The following MARCKSL1 variants were observed in gnomAD, a reference collection of about 807,000 sequenced individuals.
MARCKSL1 encodes MARCKS-related protein.
In MARCKSL1, 5 loss-of-function variants were observed where a neutral mutation model predicts 13.3. That is an observed-to-expected ratio of 0.38 (90% CI 0.20 to 0.79). MARCKSL1 has a LOEUF of 0.79. MARCKSL1 is among the 30% of genes least tolerant of loss of function. MARCKSL1 has a pLI of 0.45. For missense variants in MARCKSL1, 274 were observed against 251.6 expected, an observed-to-expected ratio of 1.09 and a Z score of -0.60; for synonymous variants, 126 against 103.2, an observed-to-expected ratio of 1.22 and a Z score of -1.34.
chr1:32,334,585 G>A lies in MARCKSL1; in HGVS notation c.*12C>T. The A allele has an allele frequency of 2.6e-6, 4 of 1,525,058 alleles. No homozygotes were observed. The highest frequency in any genetic ancestry group is 4.6e-5 in the East Asian group (2 of 43,756). The allele number at this position is 1,525,058 out of a possible 1,614,324, so 94.5% of individuals were successfully genotyped here. ...TTTGCAGCTTAGAGATCACCCACCT[G>A]CCCCTACCTAGCTACTCATTCTGCT... is the stretch of plus-strand genomic sequence containing the variant. On this transcript the variant is annotated 3_prime_UTR_variant, in exon 2 of 2. Coordinates refer to ENST00000329421, the MANE Select transcript of MARCKSL1 (RefSeq NM_023009.7).
rs1183686774 is a variant in MARCKSL1, at chr1:32,334,520, C to T, written c.*77G>A. The T allele has an allele frequency of 1.0e-5, 15 of 1,445,424 alleles. No individual in the cohort carries two copies. The Admixed American group carries it at 3.9e-4, about 38-fold the overall frequency. 89.5% of individuals were successfully genotyped at this position (1,445,424 alleles called of 1,614,324 possible). On this transcript the variant is annotated 3_prime_UTR_variant, in exon 2 of 2. Coordinates refer to ENST00000329421, the MANE Select transcript of MARCKSL1 (RefSeq NM_023009.7). ...TCTGGGCACAGGAAGGCAGCCAGGG[C>T]ACCAGGTCCAGGCAGTGACCTCACA...
Position 32,335,235 on chromosome 1 carries a change from G to T in MARCKSL1, c.88-138C>A. ...CTGGCTTCAGCCTCACCCACACCCA[G>T]GATCCCGTCAAACACCTCCCTCTCG... is the stretch of plus-strand genomic sequence containing the variant. On this transcript the variant is annotated intron_variant, in intron 1 of 1. Transcript: ENST00000329421. The surrounding 1 kb of genome is among the most constrained non-coding windows in gnomAD (Gnocchi z 4.1). 1 of 986,844 alleles carries T rather than the reference G, an allele frequency of 1.0e-6. No homozygotes were observed. Among genetic ancestry groups the T allele is most frequent in the Non-Finnish European group, 1.3e-6 (1 of 744,138 alleles). 61.1% of individuals were successfully genotyped at this position (986,844 alleles called of 1,614,324 possible). A position where few individuals can be genotyped will look rare whatever the true frequency, so the allele number is the denominator to read the frequency against.
In MARCKSL1 at chr1:32,335,920, G is replaced by A. The variant is rs772257437; in HGVS notation, c.87+27C>T. On this transcript the variant is annotated intron_variant, in intron 1 of 1. Transcript: ENST00000329421. The surrounding 1 kb of genome is among the most constrained non-coding windows in gnomAD (Gnocchi z 4.1). ...GGGGCGAGGTGCGAGAGGAGGGGCT[G>A]GGGCCGGCCGGGCCAAGCGTACCCA... 4.0e-6 allele frequency: 5 copies of A among 1,263,494 alleles called. No individual in the cohort carries two copies. The South Asian group carries it at 1.7e-4, about 42-fold the overall frequency. The allele number at this position is 1,263,494 out of a possible 1,614,324, so 78.3% of individuals were successfully genotyped here.
Position 32,334,586 on chromosome 1 carries a change from C to T in MARCKSL1, c.*11G>A, listed in dbSNP as rs1570047620. On this transcript the variant is annotated 3_prime_UTR_variant, in exon 2 of 2. Transcript: ENST00000329421. ...TTGCAGCTTAGAGATCACCCACCTG[C>T]CCCTACCTAGCTACTCATTCTGCTC... 4 of 1,526,434 alleles carry T rather than the reference C, an allele frequency of 2.6e-6. No homozygotes were observed. In the South Asian group the frequency reaches 3.9e-5, roughly 15 times the overall value. 94.6% of individuals were successfully genotyped at this position (1,526,434 alleles called of 1,614,324 possible).
In MARCKSL1 at chr1:32,335,819, C is replaced by G; in HGVS notation, c.87+128G>C. The stretch of plus-strand genomic sequence containing the variant: ...GCTGCGGCGCCGAGAACAAAGGGAC[C>G]GGGCGGGGGAGGGGGCGCCGCGTGT... On this transcript the variant is annotated intron_variant, in intron 1 of 1. Transcript: ENST00000329421. The surrounding 1 kb of genome is among the most constrained non-coding windows in gnomAD (Gnocchi z 4.1). 2.5e-6 allele frequency: 1 copy of G among 406,964 alleles called. No individual in the cohort carries two copies. The highest frequency in any genetic ancestry group is 4.8e-5 in the Admixed American group (1 of 20,920). The allele number at this position is 406,964 out of a possible 1,614,324, so 25.2% of individuals were successfully genotyped here.
chr1:32,334,691 G>A lies in MARCKSL1; in HGVS notation c.494C>T (p.Ser165Leu). The A allele has an allele frequency of 6.2e-7, 1 of 1,612,478 alleles. No individual in the cohort carries two copies. Among genetic ancestry groups the A allele is most frequent in the Non-Finnish European group, 8.5e-7 (1 of 1,179,774 alleles). The change falls in exon 2 of 2, where the codon TCA becomes TTA. Residue 165 changes from serine (S) to leucine (L), a missense_variant. Physicochemically the swap from Ser to Leu is moderately radical, Grantham distance 145. Coordinates refer to ENST00000329421, the MANE Select transcript of MARCKSL1 (RefSeq NM_023009.7). ...QAKGAEASAASEEEAGPQATE... is the reference protein window; with the variant it reads ...QAKGAEASAALEEEAGPQATE... ...AGCCTGGGGCCCTGCCTCTTCTTCT[G>A]AGGCTGCACTAGCCTCTGCCCCCTT...
rs1641346677 is a variant in MARCKSL1, at chr1:32,334,345, A to C, written c.*252T>G. ...GGAAGGAGGTAGGGCCAGGGACAGG[A>C]GCATTTCACATCACTAACCTAACTT... On this transcript the variant is annotated 3_prime_UTR_variant, in exon 2 of 2. Coordinates refer to ENST00000329421, the MANE Select transcript of MARCKSL1 (RefSeq NM_023009.7). 2.5e-6 allele frequency: 1 copy of C among 399,010 alleles called. No individual in the cohort carries two copies. Among genetic ancestry groups the C allele is most frequent in the Non-Finnish European group, 4.4e-6 (1 of 225,986 alleles). 24.7% of individuals were successfully genotyped at this position (399,010 alleles called of 1,614,324 possible). A position where few individuals can be genotyped will look rare whatever the true frequency, so the allele number is the denominator to read the frequency against.
At position 32,335,871 on chromosome 1, in the gene MARCKSL1, C is replaced by G. The variant is rs532537076; in HGVS notation, c.87+76G>C. 26 of 872,194 alleles carry G rather than the reference C, an allele frequency of 3.0e-5. No individual in the cohort carries two copies. The East Asian group carries it at 3.8e-4, about 13-fold the overall frequency. The allele number at this position is 872,194 out of a possible 1,614,324, so 54.0% of individuals were successfully genotyped here. Reference sequence around the variant, plus strand: ...CCGGGCCGGACAAAGCGCGCGGCCCCGGCCCCGGCCCCGGGCCCTAGAAGG... The same window carrying G: ...CCGGGCCGGACAAAGCGCGCGGCCCGGGCCCCGGCCCCGGGCCCTAGAAGG... On this transcript the variant is annotated intron_variant, in intron 1 of 1. Coordinates refer to ENST00000329421, the MANE Select transcript of MARCKSL1 (RefSeq NM_023009.7). This position sits in a 1 kb window ranked among gnomAD's most constrained non-coding sequence, Gnocchi z 4.1.
Position 32,335,416 on chromosome 1 carries a change from G to A in MARCKSL1, c.88-319C>T, listed in dbSNP as rs1034090282. On this transcript the variant is annotated intron_variant, in intron 1 of 1. Transcript: ENST00000329421. This position sits in a 1 kb window ranked among gnomAD's most constrained non-coding sequence, Gnocchi z 4.1. Reference sequence around the variant, plus strand: ...GTGCGGATCCCGGGCAGGCGGGCGAGCCGCTCTAGGCGACATTGGGCGGGA... The same window carrying A: ...GTGCGGATCCCGGGCAGGCGGGCGAACCGCTCTAGGCGACATTGGGCGGGA... 6.6e-6 allele frequency among the ~76,000 whole-genome samples: 1 copy of A among 151,830 alleles called. No individual in the cohort carries two copies. The highest frequency in any genetic ancestry group is 2.4e-5 in the African/African-American group (1 of 41,400).
chr1:32,335,129 G>A lies in MARCKSL1; in HGVS notation c.88-32C>T. 2 of 1,504,158 alleles carry A rather than the reference G, an allele frequency of 1.3e-6. No homozygotes were observed. Among genetic ancestry groups the A allele is most frequent in the Non-Finnish European group, 1.8e-6 (2 of 1,127,764 alleles). 93.2% of individuals were successfully genotyped at this position (1,504,158 alleles called of 1,614,324 possible). A position where few individuals can be genotyped will look rare whatever the true frequency, so the allele number is the denominator to read the frequency against. On this transcript the variant is annotated intron_variant, in intron 1 of 1. Transcript: ENST00000329421. This position sits in a 1 kb window ranked among gnomAD's most constrained non-coding sequence, Gnocchi z 4.1. ...GGCAGAGGGAATAGCAATGAGGGCAGGGGCTCCCCCTCCCCCAGCCCGCTT... is the reference window on the plus strand; with the variant it reads ...GGCAGAGGGAATAGCAATGAGGGCAAGGGCTCCCCCTCCCCCAGCCCGCTT...
Position 32,335,551 on chromosome 1 carries a change from C to T in MARCKSL1, c.87+396G>A, listed in dbSNP as rs1475800074. On this transcript the variant is annotated intron_variant, in intron 1 of 1. Coordinates refer to ENST00000329421, the MANE Select transcript of MARCKSL1 (RefSeq NM_023009.7). The surrounding 1 kb of genome is among the most constrained non-coding windows in gnomAD (Gnocchi z 4.1). ...CAGGCTCTCCCGCATCTCGGCTCCC[C>T]CTTAAAAAAAAAAAGACCGTGGGCC... Among the ~76,000 whole-genome samples, 1 of 151,432 alleles carries T rather than the reference C, an allele frequency of 6.6e-6. No homozygotes were observed. Among genetic ancestry groups the T allele is most frequent in the African/African-American group, 2.4e-5 (1 of 41,342 alleles).
In MARCKSL1 at chr1:32,335,329, G is replaced by A. The variant is rs1006659598; in HGVS notation, c.88-232C>T. ...CGGCAGGAGGCGCTGGGGTCCCGTG[G>A]CCCCCACCCCCGTCCCCCGGGGCGC... On this transcript the variant is annotated intron_variant, in intron 1 of 1. Coordinates refer to ENST00000329421, the MANE Select transcript of MARCKSL1 (RefSeq NM_023009.7). The surrounding 1 kb of genome is among the most constrained non-coding windows in gnomAD (Gnocchi z 4.1). 2.0e-4 allele frequency among the ~76,000 whole-genome samples: 30 copies of A among 152,150 alleles called. No homozygotes were observed. Among genetic ancestry groups the A allele is most frequent in the African/African-American group, 7.2e-4 (30 of 41,550 alleles).
Position 32,335,078 on chromosome 1 carries a change from C to T in MARCKSL1, c.107G>A (p.Ser36Asn). Residue 36 changes from serine (S) to asparagine (N), a missense_variant, in exon 2 of 2, where the codon AGC (serine) becomes AAC (asparagine). Physicochemically the swap from Ser to Asn is conservative, Grantham distance 46. Transcript: ENST00000329421. This position sits in a 1 kb window ranked among gnomAD's most constrained non-coding sequence, Gnocchi z 4.1. ...ACCCTTGGGGGATAAGTCTCCATTGCTTTTCACGTGGCCATTCTCCTGCAG... is the reference window on the plus strand; with the variant it reads ...ACCCTTGGGGGATAAGTCTCCATTGTTTTTCACGTGGCCATTCTCCTGCAG... ...ANGQENGHVKSNGDLSPKGEG... is the reference protein window; with the variant it reads ...ANGQENGHVKNNGDLSPKGEG... The T allele has an allele frequency of 6.5e-7, 1 of 1,527,692 alleles. No individual in the cohort carries two copies. Among genetic ancestry groups the T allele is most frequent in the Non-Finnish European group, 8.8e-7 (1 of 1,139,664 alleles). 94.6% of individuals were successfully genotyped at this position (1,527,692 alleles called of 1,614,324 possible). A position where few individuals can be genotyped will look rare whatever the true frequency, so the allele number is the denominator to read the frequency against.
At position 32,334,976 on chromosome 1, in the gene MARCKSL1, G is replaced by C. The variant is rs751785495; in HGVS notation, c.209C>G (p.Pro70Arg). 1.8e-5 allele frequency: 29 copies of C among 1,611,756 alleles called. No homozygotes were observed. In the East Asian group the frequency reaches 6.0e-4, roughly 33 times the overall value. Residue 70 changes from proline (P) to arginine (R), a missense_variant, in exon 2 of 2, where the codon CCT becomes CGT. Coordinates refer to ENST00000329421, the MANE Select transcript of MARCKSL1 (RefSeq NM_023009.7). ...ATGDAIEPAP[P>R]SQGAEAKGEV... ...CCCCTTGGCCTCAGCACCCTGGCTA[G>C]GGGGTGCTGGCTCGATGGCATCGCC...
In MARCKSL1 at chr1:32,334,312, GGGGACA is replaced by G; in HGVS notation, c.*279_*284del. 1 of 339,292 alleles carries G rather than the reference GGGGACA, an allele frequency of 2.9e-6. No individual in the cohort carries two copies. The highest frequency in any genetic ancestry group is 5.3e-6 in the Non-Finnish European group (1 of 188,092). 21.0% of individuals were successfully genotyped at this position (339,292 alleles called of 1,614,324 possible). A position where few individuals can be genotyped will look rare whatever the true frequency, so the allele number is the denominator to read the frequency against. ...ACCAACAACTGCCTTATGCAGGGGT[GGGGACA>G]GGGAAGGAGGTAGGGCCAGGGACAG... On this transcript the variant is annotated 3_prime_UTR_variant, in exon 2 of 2. Coordinates refer to ENST00000329421, the MANE Select transcript of MARCKSL1 (RefSeq NM_023009.7).
chr1:32,335,917 G>T lies in MARCKSL1; in HGVS notation c.87+30C>A, dbSNP rs1056078764. 2 of 1,254,400 alleles carry T rather than the reference G, an allele frequency of 1.6e-6. No homozygotes were observed. The highest frequency in any genetic ancestry group is 2.0e-6 in the Non-Finnish European group (2 of 987,106). The allele number at this position is 1,254,400 out of a possible 1,614,324, so 77.7% of individuals were successfully genotyped here. A position where few individuals can be genotyped will look rare whatever the true frequency, so the allele number is the denominator to read the frequency against. On this transcript the variant is annotated intron_variant, in intron 1 of 1. Coordinates refer to ENST00000329421, the MANE Select transcript of MARCKSL1 (RefSeq NM_023009.7). The surrounding 1 kb of genome is among the most constrained non-coding windows in gnomAD (Gnocchi z 4.1). The stretch of plus-strand genomic sequence containing the variant: ...GAAGGGGCGAGGTGCGAGAGGAGGG[G>T]CTGGGGCCGGCCGGGCCAAGCGTAC...
In MARCKSL1 at chr1:32,334,861, A is replaced by C; in HGVS notation, c.324T>G (p.Asn108Lys). 3 of 1,611,726 alleles carry C rather than the reference A, an allele frequency of 1.9e-6. No individual in the cohort carries two copies. Among genetic ancestry groups the C allele is most frequent in the Non-Finnish European group, 2.5e-6 (3 of 1,179,744 alleles). Residue 108 changes from asparagine (N) to lysine (K), a missense_variant, in exon 2 of 2, where the codon AAT (asparagine) becomes AAG (lysine). Transcript: ENST00000329421. ...FKLSGLSFKR[N>K]RKEGGGDSSA... ...AAGAATCACCCCCACCCTCCTTCCG[A>C]TTTCTCTTGAAGGACAGGCCGCTCA...
In MARCKSL1 at chr1:32,335,936, A is replaced by T; in HGVS notation, c.87+11T>A. On this transcript the variant is annotated intron_variant, in intron 1 of 1. Coordinates refer to ENST00000329421, the MANE Select transcript of MARCKSL1 (RefSeq NM_023009.7). This position sits in a 1 kb window ranked among gnomAD's most constrained non-coding sequence, Gnocchi z 4.1. ...GGAGGGGCTGGGGCCGGCCGGGCCA[A>T]GCGTACCCACCTGGCCGTTGGCCTT... The T allele has an allele frequency of 7.8e-7, 1 of 1,282,782 alleles. No homozygotes were observed. 79.5% of individuals were successfully genotyped at this position (1,282,782 alleles called of 1,614,324 possible).
rs145689983 is a variant in MARCKSL1, at chr1:32,334,750, G to T, written c.435C>A (p.Ala145=). 3.1e-6 allele frequency: 5 copies of T among 1,611,710 alleles called. No individual in the cohort carries two copies. In the Admixed American group the frequency reaches 6.7e-5, roughly 22 times the overall value. The change falls in exon 2 of 2, where the codon GCC becomes GCA. Residue 145 remains alanine, a synonymous_variant. Transcript: ENST00000329421. ...GTTCCTGGCTCTCAGGGGTGGCTGC[G>T]GCCTTCCCTTCCTGAGCAGTGCCCT... ...SDEGTAQEGK[A]AATPESQEPQ...
Sources: gnomAD v4.1 joint callset for allele counts (sites outside exome capture counted in the v4.1 genomes callset) on GRCh38, gnomAD v4.1.1 for gene constraint, Gnocchi (gnomAD v3.1) non-coding constraint, MANE v1.5 for transcripts, NCBI Gene and HGNC (gene_info 2026-07-23, HGNC 2026-07-21) for gene names.